The following RXFP1 variants were observed in gnomAD, a reference collection of about 807,000 sequenced individuals.
RXFP1 encodes relaxin receptor 1.
Under a neutral mutation model 89.8 loss-of-function variants are expected in RXFP1, and 73 were observed. That is an observed-to-expected ratio of 0.81 (90% CI 0.67 to 0.99). The LOEUF (loss-of-function observed/expected upper bound fraction) is 0.99. RXFP1 is among the 50% of genes least tolerant of loss of function. The pLI is 0.00. For synonymous variants in RXFP1, 277 were observed against 305.5 expected, an observed-to-expected ratio of 0.91 and a Z score of 0.97; for missense variants, 793 against 895.5, an observed-to-expected ratio of 0.89 and a Z score of 1.46.
chr4:158,546,026 T>C (rs1442182425), intron 1 of RXFP1, among the ~76,000 whole-genome samples: 1 of 152,188 alleles, frequency 6.6e-6, no homozygotes, highest in Non-Finnish European at 1.5e-5. Flanking sequence ...ATTGAATCTA[T>C]AAATTACCTT....
chr4:158,576,292 GACTCACACCTGTA>G (rs1756185769), intron 2 of RXFP1, among the ~76,000 whole-genome samples: 1 of 152,064 alleles, frequency 6.6e-6, no homozygotes, highest in African/African-American at 2.4e-5. Flanking sequence ...CAGGCCCAGT[GACTCACACCTGTA>G]ATCCCAGCAC....
chr4:158,528,051 C>A (rs1743026944), intron 1 of RXFP1, among the ~76,000 whole-genome samples: 1 of 152,168 alleles, frequency 6.6e-6, no homozygotes, highest in African/African-American at 2.4e-5. Context: ...TTTGCCAATA[C>A]ACTAAGCTAG....
chr4:158,612,269 AT>A, intron 7 of RXFP1, 21 bp from the exon 8 acceptor site: 3 of 1,607,236 alleles, frequency 1.9e-6, no homozygotes, highest in South Asian at 1.1e-5. Context: ...AAATGAATTA[AT>A]TTTTTTCTTC....
chr4:158,646,497 G>A (rs2150261632), intron 15 of RXFP1: 3 of 1,268,900 alleles, frequency 2.4e-6, no homozygotes, highest in Non-Finnish European at 3.0e-6. Flanking sequence ...ACACTTCTAT[G>A]TGATGGGTCT....
At chr4:158,556,130 G>A (rs953378237) in intron 1 of RXFP1, among the ~76,000 whole-genome samples, 1 of 151,026 alleles carries the variant, frequency 6.6e-6, no homozygotes, top group Non-Finnish European at 1.5e-5. Flanking sequence ...ACTATTAACA[G>A]AGTGAAAAGA....
At chr4:158,554,152 C>T (rs1366788463) in intron 1 of RXFP1, among the ~76,000 whole-genome samples, 1 of 152,024 alleles carries the variant, frequency 6.6e-6, no homozygotes, top group Admixed American at 6.6e-5. Flanking sequence ...AATTAAGAAC[C>T]ACTAGCTTAG....
chr4:158,553,780 A>G (rs1014295873), intron 1 of RXFP1, among the ~76,000 whole-genome samples: 11 of 152,108 alleles, frequency 7.2e-5, no homozygotes, highest in Non-Finnish European at 1.6e-4. Flanking sequence ...AGGAGAAAAA[A>G]GGGCAGGAGA....
intron 6 of RXFP1, among the ~76,000 whole-genome samples, chr4:158,611,465 T>A (rs1763562612): frequency 6.6e-6 from 1 of 152,114 alleles, no homozygotes; most frequent in East Asian, 1.9e-4. Flanking sequence ...GCCTCCTAGG[T>A]TTATCTCCTG....
rs554706284 is a variant in RXFP1, at chr4:158,567,003, G to A, written c.50-5695G>A. On this transcript the variant is annotated intron_variant, in intron 1 of 17. Coordinates refer to ENST00000307765, the MANE Select transcript of RXFP1 (RefSeq NM_021634.4). Reference sequence around the variant, plus strand: ...GCGCTTGCAGGCCAGCGCCAGTTCCGGGTGGGCATGGGCTCTGTGGCCAGC... The same window carrying A: ...GCGCTTGCAGGCCAGCGCCAGTTCCAGGTGGGCATGGGCTCTGTGGCCAGC... Among the ~76,000 whole-genome samples, 923 of 152,340 alleles carry A rather than the reference G, an allele frequency of 6.1e-3. 10 individuals are homozygous for A. The highest frequency in any genetic ancestry group is 0.02 in the African/African-American group (830 of 41,594).
In RXFP1 at chr4:158,628,660, A is replaced by G; in HGVS notation, c.850A>G (p.Asn284Asp). ...CAGAGTGATGAGGAAAAACAAAATT[A>G]ATCACTTAAATGAAAATACTTTTGC... ...TVLVMRKNKI[N>D]HLNENTFAPL... Residue 284 changes from asparagine to aspartate, a missense_variant, in exon 11 of 18, where the codon AAT becomes GAT. Transcript: ENST00000307765. The G allele has an allele frequency of 6.4e-7, 1 of 1,570,098 alleles. No homozygotes were observed. Among genetic ancestry groups the G allele is most frequent in the South Asian group, 1.1e-5 (1 of 89,102 alleles).
chr4:158,588,263 A>C (rs1758691309), intron 2 of RXFP1, among the ~76,000 whole-genome samples: 1 of 152,152 alleles, frequency 6.6e-6, no homozygotes, highest in Admixed American at 6.5e-5. Context: ...AGCTCCCCAA[A>C]TTAACTAAAT....
intron 2 of RXFP1, among the ~76,000 whole-genome samples, chr4:158,579,795 G>A (rs1437887708): frequency 6.6e-6 from 1 of 152,200 alleles, no homozygotes; most frequent in Non-Finnish European, 1.5e-5. Flanking sequence ...ATTGTATGTG[G>A]TATAAAACCT....
chr4:158,637,936 AATAAAC>A, intron 12 of RXFP1, 66 bp from the exon 13 acceptor site: 1 of 928,872 alleles, frequency 1.1e-6, no homozygotes, highest in East Asian at 2.4e-5. Context: ...AGTAACCCAA[AATAAAC>A]AGATTCACTC....
At chr4:158,539,828 C>G (rs539255433) in intron 1 of RXFP1, among the ~76,000 whole-genome samples, 1 of 152,152 alleles carries the variant, frequency 6.6e-6, no homozygotes, top group African/African-American at 2.4e-5. Context: ...CCTCTAAATG[C>G]CTTTGAAATT....
chr4:158,522,063 A>G, intron 1 of RXFP1, 38 bp downstream of exon 1: 6 of 1,222,814 alleles, frequency 4.9e-6, no homozygotes, highest in Non-Finnish European at 6.0e-6. Flanking sequence ...ATACCTTAGT[A>G]TTTTGTGGAA....
At position 158,617,154 on chromosome 4, in the gene RXFP1, C is replaced by T. The variant is rs375392778; in HGVS notation, c.704C>T (p.Thr235Ile). ...ILLVLMNNVL[T>I]RLPDKPLCQH... Reference sequence around the variant, plus strand: ...AGAGTCCTGATGAATAACGTCCTCACCCGTTTACCTGATAAACCTCTCTGT... The same window carrying T: ...AGAGTCCTGATGAATAACGTCCTCATCCGTTTACCTGATAAACCTCTCTGT... Residue 235 changes from threonine (T) to isoleucine (I), a missense_variant, in exon 9 of 18, where the codon ACC becomes ATC. Physicochemically the swap from Thr to Ile is moderately conservative, Grantham distance 89. Coordinates refer to ENST00000307765, the MANE Select transcript of RXFP1 (RefSeq NM_021634.4). 1.1e-4 allele frequency: 181 copies of T among 1,609,538 alleles called. 1 individual carries two copies. In the Middle Eastern group the frequency reaches 2.8e-3, roughly 25 times the overall value.
chr4:158,607,155 A>T (rs1408948981), intron 5 of RXFP1: 71 of 1,497,798 alleles, frequency 4.7e-5, no homozygotes, highest in Non-Finnish European at 5.6e-5. Context: ...GAAGTGCAAA[A>T]CTTTGTGTGG....
intron 1 of RXFP1, among the ~76,000 whole-genome samples, chr4:158,541,833 T>G (rs1000477935): frequency 6.6e-5 from 10 of 152,048 alleles, no homozygotes; most frequent in Non-Finnish European, 1.2e-4. Context: ...AATCATATTA[T>G]TTAACATGAA....
chr4:158,630,037 T>A (rs1308015893), intron 11 of RXFP1, among the ~76,000 whole-genome samples: 1 of 152,132 alleles, frequency 6.6e-6, no homozygotes, highest in African/African-American at 2.4e-5. Context: ...AAGAATACAA[T>A]TAGAATGTTA....
Sources: gnomAD v4.1 joint callset for allele counts (sites outside exome capture counted in the v4.1 genomes callset) on GRCh38, gnomAD v4.1.1 for gene constraint, MANE v1.5 for transcripts, NCBI Gene and HGNC (gene_info 2026-07-23, HGNC 2026-07-21) for gene names.